The following CXADR variants were observed in gnomAD, a reference collection of about 807,000 sequenced individuals.
CXADR encodes coxsackievirus and adenovirus receptor.
In CXADR, 20 loss-of-function variants were observed where a neutral mutation model predicts 40.3. The ratio of observed to expected loss-of-function variants is 0.50; its 90% CI spans 0.35 to 0.72. The LOEUF is 0.72. Ranked by LOEUF, CXADR falls within the 30% of genes least tolerant of loss-of-function variation. The pLI, the probability that CXADR is intolerant of heterozygous loss-of-function variation, is 0.01. For missense variants in CXADR, 332 were observed against 449.1 expected, an observed-to-expected ratio of 0.74 and a Z score of 2.36; for synonymous variants, 150 against 161.3, an observed-to-expected ratio of 0.93 and a Z score of 0.53.
At chr21:17,618,470 G>A in the CXADR span, among the ~76,000 whole-genome samples, 2 of 152,016 alleles carry the variant, frequency 1.3e-5, no homozygotes, top group South Asian at 2.1e-4. Flanking sequence ...AATTTACTTC[G>A]CTCAGAGCCA....
chr21:17,560,654 A>G (rs139143092), intron 4 of CXADR, 48 bp from the exon 5 acceptor site: 2 of 1,567,898 alleles, frequency 1.3e-6, no homozygotes, highest in East Asian at 2.3e-5. Flanking sequence ...ACCTGATAAC[A>G]ATACATACTA....
intron 3 of CXADR, among the ~76,000 whole-genome samples, chr21:17,555,253 A>G (rs2061019707): frequency 1.3e-5 from 2 of 152,184 alleles, no homozygotes; most frequent in African/African-American, 4.8e-5. Flanking sequence ...CATATATGGT[A>G]TACTCCCACT....
rs1162866688 is a variant in CXADR, at chr21:17,551,943, G to C, written c.405G>C (p.Leu135=). Residue 135 remains leucine, a synonymous_variant, in exon 3 of 7, where the codon CTG becomes CTC. Coordinates refer to ENST00000284878, the MANE Select transcript of CXADR (RefSeq NM_001338.5). ...APGVANKKIH[L]VVLVKPSGAR... is the part of the protein sequence containing the mutation. ...GTGTTGCAAATAAGAAGATTCATCTGGTAGTTCTTGGTAAGTTATTTTTAT... is the reference window on the plus strand; with the variant it reads ...GTGTTGCAAATAAGAAGATTCATCTCGTAGTTCTTGGTAAGTTATTTTTAT... 3.1e-6 allele frequency: 5 copies of C among 1,612,128 alleles called. No homozygotes were observed. The South Asian group carries it at 5.5e-5, about 18-fold the overall frequency.
downstream of CXADR, among the ~76,000 whole-genome samples, chr21:17,574,020 C>G (rs1386022272): frequency 6.6e-6 from 1 of 152,238 alleles, no homozygotes; most frequent in African/African-American, 2.4e-5. Flanking sequence ...CACACTTGAT[C>G]TTAGCCAAAA....
At chr21:17,619,829 T>G in the CXADR span, among the ~76,000 whole-genome samples, 3,160 of 130,678 alleles carry the variant, frequency 0.024, 61 homozygotes, top group Middle Eastern at 0.077. Flanking sequence ...CCTTGCACTT[T>G]TATGTTATGG....
At chr21:17,609,661 T>C in the CXADR span, among the ~76,000 whole-genome samples, 2 of 152,256 alleles carry the variant, frequency 1.3e-5, no homozygotes, top group Non-Finnish European at 2.9e-5. Context: ...CCAATTCTAC[T>C]TCTATTTGCC....
In CXADR at chr21:17,553,986, A is replaced by G. The variant is rs533910029; in HGVS notation, c.415+2033A>G. On this transcript the variant is annotated intron_variant, in intron 3 of 6. Transcript: ENST00000284878. ...ATAACCCTGACTATACTTTCTTCCA[A>G]CACTGCTCTCTAGGAACTATTAAGT... Among the ~76,000 whole-genome samples the G allele has an allele frequency of 2.6e-5, 4 of 152,290 alleles. No homozygotes were observed. The East Asian group carries it at 7.7e-4, about 29-fold the overall frequency.
chr21:17,514,507 C>CT (rs887465775), intron 1 of CXADR, among the ~76,000 whole-genome samples: 79 of 145,996 alleles, frequency 5.4e-4, no homozygotes, highest in Non-Finnish European at 5.9e-4. Context: ...TCTTTTTTTT[C>CT]TTTTTTTTGT....
intron 1 of CXADR, among the ~76,000 whole-genome samples, chr21:17,522,201 T>C (rs2060539690): frequency 6.6e-6 from 1 of 151,624 alleles, no homozygotes; most frequent in Non-Finnish European, 1.5e-5. Flanking sequence ...CAGGCTAGAG[T>C]GCAATGGCGC....
the CXADR span, among the ~76,000 whole-genome samples, chr21:17,634,444 G>T: frequency 8.5e-5 from 13 of 152,184 alleles, no homozygotes; most frequent in Admixed American, 2.6e-4. Context: ...AAATTATTAT[G>T]AGCCCAGTAG....
intron 7 of CXADR, among the ~76,000 whole-genome samples, chr21:17,588,298 G>A (rs1203454560): frequency 6.6e-6 from 1 of 152,140 alleles, no homozygotes; most frequent in Non-Finnish European, 1.5e-5. Flanking sequence ...GATGGGGATG[G>A]CATTGAATCT....
At chr21:17,531,538 A>G (rs1429151108) in intron 1 of CXADR, among the ~76,000 whole-genome samples, 4 of 152,100 alleles carry the variant, frequency 2.6e-5, no homozygotes, top group East Asian at 1.9e-4. Context: ...CTCATGTCAG[A>G]CTTTTTCTGC....
chr21:17,514,149 T>A (rs890737997), intron 1 of CXADR, among the ~76,000 whole-genome samples: 7 of 152,138 alleles, frequency 4.6e-5, no homozygotes, highest in Non-Finnish European at 7.4e-5. Flanking sequence ...AATTCATTTT[T>A]AAAAATCCGT....
chr21:17,562,782 TA>T (rs1367613259), intron 6 of CXADR, among the ~76,000 whole-genome samples: 1 of 152,246 alleles, frequency 6.6e-6, no homozygotes, highest in East Asian at 1.9e-4. Context: ...CTTCACTTTG[TA>T]TTTTTATGTT....
downstream of CXADR, among the ~76,000 whole-genome samples, chr21:17,570,377 A>G (rs144825897): frequency 6.6e-6 from 1 of 152,200 alleles, no homozygotes; most frequent in African/African-American, 2.4e-5. Flanking sequence ...AATTTACAGT[A>G]TAAACTCAAA....
intron 1 of CXADR, among the ~76,000 whole-genome samples, chr21:17,539,790 C>T (rs528558542): frequency 6.6e-6 from 1 of 152,180 alleles, no homozygotes; most frequent in South Asian, 2.1e-4. Context: ...TACATTTTTC[C>T]ATCATTTTGC....
At chr21:17,528,068 C>CTTTTTTTTTTTTTTTTTT (rs35477813) in intron 1 of CXADR, among the ~76,000 whole-genome samples, 6 of 78,350 alleles carry the variant, frequency 7.7e-5, no homozygotes, top group Non-Finnish European at 1.1e-4. Flanking sequence ...TTAGTTCTTT[C>CTTTTTTTTTTTTTTTTTT]TTTTTTTTTT....
chr21:17,628,396 C>T, the CXADR span, among the ~76,000 whole-genome samples: 1 of 152,240 alleles, frequency 6.6e-6, no homozygotes, highest in Non-Finnish European at 1.5e-5. Context: ...GCCTGGGAAC[C>T]AGGAGAGTCC....
chr21:17,546,217 C>G (rs1004458163), intron 1 of CXADR, among the ~76,000 whole-genome samples: 2 of 152,076 alleles, frequency 1.3e-5, no homozygotes, highest in African/African-American at 4.8e-5. Flanking sequence ...TTTAAAGAAG[C>G]CTTAGCAGAA....
Sources: allele counts gnomAD v4.1 joint callset (sites outside exome capture counted in the v4.1 genomes callset), GRCh38; gene constraint gnomAD v4.1.1; transcripts MANE v1.5; gene names NCBI Gene and HGNC (gene_info 2026-07-23, HGNC 2026-07-21).